SPTA1: variants seen among roughly 807,000 people sequenced by gnomAD.
SPTA1 encodes spectrin alpha chain, erythrocytic 1.
SPTA1 carries 177 observed loss-of-function variants against 324.7 expected under a neutral mutation model. The observed-to-expected ratio is 0.55, with a 90% CI of 0.48 to 0.62. The LOEUF (loss-of-function observed/expected upper bound fraction) is 0.62, where lower values mean the gene tolerates loss of function less well. Among genes scored for constraint, SPTA1 ranks in the 20% least tolerant of loss-of-function variants. The pLI, the probability that SPTA1 is intolerant of heterozygous loss-of-function variation, is 0.00. For missense variants in SPTA1, 3,162 were observed against 2,883.6 expected, an observed-to-expected ratio of 1.10 and a Z score of -2.21; for synonymous variants, 1,195 against 1,041.3, an observed-to-expected ratio of 1.15 and a Z score of -2.84.
At chr1:158,665,150 C>A (rs1371131334) in intron 16 of SPTA1, among the ~76,000 whole-genome samples, 1 of 152,130 alleles carries the variant, frequency 6.6e-6, no homozygotes, top group Non-Finnish European at 1.5e-5. Flanking sequence ...TAAGCTCTTA[C>A]ATGTAACATT....
At position 158,627,733 on chromosome 1, in the gene SPTA1, T is replaced by G; in HGVS notation, c.5566-10A>C. ...GCTTCATTAGCAAGCTCTGCATAAA[T>G]AAGTCGGTGAGAATTAAGATATCCA... On this transcript the variant is annotated splice_polypyrimidine_tract_variant and intron_variant, in intron 39 of 51. Transcript: ENST00000643759. The G allele has an allele frequency of 1.2e-6, 2 of 1,610,094 alleles. No homozygotes were observed. The highest frequency in any genetic ancestry group is 1.7e-6 in the Non-Finnish European group (2 of 1,179,024).
intron 24 of SPTA1, among the ~76,000 whole-genome samples, chr1:158,650,671 T>C (rs1258713634): frequency 6.6e-6 from 1 of 152,230 alleles, no homozygotes; most frequent in Non-Finnish European, 1.5e-5. Flanking sequence ...TGAATTCATG[T>C]AATTGAGAAT....
intron 2 of SPTA1, among the ~76,000 whole-genome samples, chr1:158,683,776 G>A (rs1313497010): frequency 2.1e-5 from 3 of 139,904 alleles, no homozygotes; most frequent in Non-Finnish European, 4.9e-5. Context: ...CATCAGAAAA[G>A]AGGAATAACT....
At chr1:158,669,623 G>T in intron 13 of SPTA1, 60 bp from the exon 14 acceptor site, 1 of 1,613,924 alleles carries the variant, frequency 6.2e-7, no homozygotes, top group South Asian at 1.1e-5. Flanking sequence ...TGTGAGATTC[G>T]CTGACCACCC....
rs1196670977 is a variant in SPTA1, at chr1:158,639,573, A to T, written c.4980+9T>A. ...CTGCCCAGAGGAGAGGGATGCCAAC[A>T]CTACTTACCTCTCGAGCCAACATCT... is the stretch of plus-strand genomic sequence containing the variant. On this transcript the variant is annotated intron_variant, in intron 35 of 51. Transcript: ENST00000643759. The T allele has an allele frequency of 1.9e-6, 3 of 1,612,822 alleles. No homozygotes were observed. Among genetic ancestry groups the T allele is most frequent in the Admixed American group, 1.7e-5 (1 of 59,952 alleles).
intron 46 of SPTA1, 128 bp downstream of exon 46, chr1:158,617,911 C>A (rs865861449): frequency 2.1e-6 from 2 of 940,070 alleles, no homozygotes; most frequent in Middle Eastern, 4.8e-4. Context: ...TTCCTTCTCA[C>A]TCCACATTTT....
chr1:158,635,413 C>A (rs1045419666), intron 38 of SPTA1, among the ~76,000 whole-genome samples: 3 of 151,956 alleles, frequency 2.0e-5, no homozygotes, highest in African/African-American at 7.3e-5. Flanking sequence ...GCTTCCTGTA[C>A]AGCCTATGAA....
At position 158,681,644 on chromosome 1, in the gene SPTA1, G is replaced by T; in HGVS notation, c.414C>A (p.His138Gln). 6.2e-7 allele frequency: 1 copy of T among 1,613,724 alleles called. No homozygotes were observed. Among genetic ancestry groups the T allele is most frequent in the Non-Finnish European group, 8.5e-7 (1 of 1,179,760 alleles). ...ETKAHIEELR[H>Q]LWDLLLELTL... ...TCAGCTCTAACAGCAGGTCCCACAG[G>T]TGGCGTAGCTCCTCTATATGGGCCT... is the stretch of plus-strand genomic sequence containing the variant. Residue 138 changes from histidine (H) to glutamine (Q), a missense_variant, in exon 4 of 52, where the codon CAC (histidine) becomes CAA (glutamine). His to Gln is a conservative substitution (Grantham distance 24). Transcript: ENST00000643759.
rs1651324266 is a variant in SPTA1, at chr1:158,639,050, T to C, written c.4980+532A>G. ...TTCCTGCCTTTTCTGTGTGTATCTG[T>C]ATTATCAAGTAAAATGATAATTATA... On this transcript the variant is annotated intron_variant, in intron 35 of 51. Transcript: ENST00000643759. Among the ~76,000 whole-genome samples, 3 of 152,192 alleles carry C rather than the reference T, an allele frequency of 2.0e-5. No individual in the cohort carries two copies. In the South Asian group the frequency reaches 6.2e-4, roughly 31 times the overall value.
chr1:158,644,522 A>C (rs1051331456), intron 29 of SPTA1, 126 bp from the exon 30 acceptor site: 4 of 1,083,288 alleles, frequency 3.7e-6, no homozygotes, highest in Non-Finnish European at 5.6e-6. Flanking sequence ...TCCAAGAAAC[A>C]CTCATGTGAC....
Position 158,626,992 on chromosome 1 carries a change from T to C in SPTA1, c.5680A>G (p.Ser1894Gly). Residue 1894 changes from serine (S) to glycine (G), a missense_variant, in exon 41 of 52, where the codon AGT (serine) becomes GGT (glycine). Coordinates refer to ENST00000643759, the MANE Select transcript of SPTA1 (RefSeq NM_003126.4). ...DILNKVLQEE[S>G]QNKEISSKIE... ...TTGGAAGAAATCTCTTTGTTCTGAC[T>C]TTCCTCCTGCAACACCTGTGAGAAG... 1 of 1,613,882 alleles carries C rather than the reference T, an allele frequency of 6.2e-7. No homozygotes were observed. The highest frequency in any genetic ancestry group is 1.1e-5 in the South Asian group (1 of 91,078).
At chr1:158,653,138 T>C (rs1183220044) in intron 22 of SPTA1, 136 bp downstream of exon 22, 2 of 1,383,200 alleles carry the variant, frequency 1.4e-6, no homozygotes, top group East Asian at 4.6e-5. Flanking sequence ...AGATTCTAGG[T>C]TTACTTTCGA....
intron 46 of SPTA1, 25 bp downstream of exon 46, chr1:158,618,014 C>G: frequency 6.2e-7 from 1 of 1,605,618 alleles, no homozygotes; most frequent in Non-Finnish European, 8.5e-7. Context: ...ATAAAGCAAA[C>G]ATGATGATAA....
At position 158,636,625 on chromosome 1, in the gene SPTA1, G is replaced by A. The variant is rs1651096850; in HGVS notation, c.5310+16C>T. 1.9e-6 allele frequency: 3 copies of A among 1,613,568 alleles called. No homozygotes were observed. The highest frequency in any genetic ancestry group is 2.5e-6 in the Non-Finnish European group (3 of 1,179,730). On this transcript the variant is annotated intron_variant, in intron 37 of 51. Coordinates refer to ENST00000643759, the MANE Select transcript of SPTA1 (RefSeq NM_003126.4). ...GGATGATTTCTATATTTTCAGATCTGGTATTCTATTCCTACCTGGATGGCA... is the reference window on the plus strand; with the variant it reads ...GGATGATTTCTATATTTTCAGATCTAGTATTCTATTCCTACCTGGATGGCA...
At chr1:158,656,366 T>A (rs1652824304) in intron 20 of SPTA1, among the ~76,000 whole-genome samples, 198 bp downstream of exon 20, 1 of 152,186 alleles carries the variant, frequency 6.6e-6, no homozygotes, top group African/African-American at 2.4e-5. Context: ...ATACCATTTA[T>A]CAAAAACCTC....
intron 20 of SPTA1, 117 bp from the exon 21 acceptor site, chr1:158,654,865 C>T: frequency 2.2e-6 from 3 of 1,386,912 alleles, no homozygotes; most frequent in Non-Finnish European, 2.0e-6. Context: ...TGGCTGGAAC[C>T]TCTTACGTGG....
At chr1:158,677,936 A>G in intron 6 of SPTA1, 102 bp from the exon 7 acceptor site, 1 of 1,440,258 alleles carries the variant, frequency 6.9e-7, no homozygotes, top group South Asian at 1.2e-5. Flanking sequence ...TTGACCCAGG[A>G]GCAATTATCC....
At chr1:158,674,989 T>C (rs1325662217) in intron 8 of SPTA1, among the ~76,000 whole-genome samples, 2 of 152,104 alleles carry the variant, frequency 1.3e-5, no homozygotes, top group Non-Finnish European at 2.9e-5. Flanking sequence ...GTGCTCATAA[T>C]GCAACCAATA....
Position 158,655,834 on chromosome 1 carries a change from G to A in SPTA1, c.2898+730C>T, listed in dbSNP as rs183831404. 3.3e-5 allele frequency among the ~76,000 whole-genome samples: 5 copies of A among 152,150 alleles called. No individual in the cohort carries two copies. In the East Asian group the frequency reaches 7.7e-4, roughly 24 times the overall value. ...GCCATTCTCATATTCTCAACCAATT[G>A]CATCTTCCATTCTCACATTCTTAAC... On this transcript the variant is annotated intron_variant, in intron 20 of 51. Transcript: ENST00000643759.
Sources: gnomAD v4.1 joint callset for allele counts (sites outside exome capture counted in the v4.1 genomes callset) on GRCh38, gnomAD v4.1.1 for gene constraint, MANE v1.5 for transcripts, NCBI Gene and HGNC (gene_info 2026-07-23, HGNC 2026-07-21) for gene names.